The following GLCCI1 variants were observed in gnomAD, a reference collection of about 807,000 sequenced individuals.
GLCCI1 encodes glucocorticoid induced 1, also known as glucocorticoid-induced transcript 1 protein.
A neutral mutation model predicts 52.2 loss-of-function variants in GLCCI1; 24 were observed. The ratio of observed to expected loss-of-function variants is 0.46; its 90% confidence interval spans 0.33 to 0.65. The LOEUF (loss-of-function observed/expected upper bound fraction) is 0.65. Among genes scored for constraint, GLCCI1 ranks in the 30% least tolerant of loss-of-function variants. The pLI is 0.02. For synonymous variants in GLCCI1, 310 were observed against 276.5 expected (o/e 1.12, Z -1.20); for missense variants, 704 against 701.5 (o/e 1.00, Z -0.04).
At chr7:8,046,587 TAACTC>T (rs1410065272) in intron 3 of GLCCI1, among the ~76,000 whole-genome samples, 3 of 152,220 alleles carry the variant, frequency 2.0e-5, no homozygotes, top group Non-Finnish European at 4.4e-5. Flanking sequence ...CTATTGATAA[TAACTC>T]AGCCATTTGC....
At chr7:8,035,257 G>A (rs148439776) in intron 3 of GLCCI1, among the ~76,000 whole-genome samples, 3 of 152,316 alleles carry the variant, frequency 2.0e-5, no homozygotes, top group Non-Finnish European at 4.4e-5. Flanking sequence ...GGCTGAGAGT[G>A]ACTGCTACTT....
intron 3 of GLCCI1, among the ~76,000 whole-genome samples, chr7:8,023,162 C>G (rs1181000568): frequency 6.6e-6 from 1 of 151,794 alleles, no homozygotes; most frequent in Non-Finnish European, 1.5e-5. Context: ...AGTACAGGCA[C>G]CCACCACCAC....
rs555187287 is a variant in GLCCI1, at chr7:7,972,956, T to C, written c.457+3149T>C. ...TGCTCATGCATCATCCTCTTTTTGC[T>C]TGTTTTTTTTCTTTTGTATTTTTAA... On this transcript the variant is annotated intron_variant, in intron 1 of 7. Transcript: ENST00000223145. Among the ~76,000 whole-genome samples the C allele has an allele frequency of 5.1e-4, 77 of 152,312 alleles. 1 individual carries two copies. The highest frequency in any genetic ancestry group is 1.5e-3 in the African/African-American group (61 of 41,576).
chr7:8,032,056 T>C (rs1562435204), intron 3 of GLCCI1, among the ~76,000 whole-genome samples: 1 of 152,070 alleles, frequency 6.6e-6, no homozygotes, highest in Non-Finnish European at 1.5e-5. Context: ...TAGAAGACTT[T>C]AACAATATTA....
chr7:8,030,244 A>G (rs1192046431), intron 3 of GLCCI1, among the ~76,000 whole-genome samples: 1 of 152,150 alleles, frequency 6.6e-6, no homozygotes, highest in African/African-American at 2.4e-5. Flanking sequence ...AAATTCACAC[A>G]CCTAAAATGA....
At chr7:8,005,349 G>A (rs543345600) in intron 2 of GLCCI1, among the ~76,000 whole-genome samples, 2 of 152,080 alleles carry the variant, frequency 1.3e-5, no homozygotes, top group Non-Finnish European at 2.9e-5. Flanking sequence ...TTTTGGAAGG[G>A]TGCACACACA....
At position 8,038,986 on chromosome 7, in the gene GLCCI1, A is replaced by G. The variant is rs536799979; in HGVS notation, c.696+16417A>G. On this transcript the variant is annotated intron_variant, in intron 3 of 7. Transcript: ENST00000223145. ...AAACATTTTTCAAAAGAAAACATGC[A>G]TATAGCCAACAAGGAGATGAAAAAT... Among the ~76,000 whole-genome samples, 4 of 152,346 alleles carry G rather than the reference A, an allele frequency of 2.6e-5. No individual in the cohort carries two copies. The South Asian group carries it at 8.3e-4, about 32-fold the overall frequency.
intron 1 of GLCCI1, among the ~76,000 whole-genome samples, chr7:7,976,816 G>C (rs1780482560): frequency 6.6e-6 from 1 of 151,786 alleles, no homozygotes. Context: ...GGATCCTCCT[G>C]AGTGATCCTC....
intron 2 of GLCCI1, among the ~76,000 whole-genome samples, chr7:8,016,101 A>G (rs934184511): frequency 3.9e-5 from 6 of 152,346 alleles, no homozygotes; most frequent in East Asian, 1.9e-4. Context: ...TCAATTTTCT[A>G]TGAAAAATTC....
intron 6 of GLCCI1, among the ~76,000 whole-genome samples, chr7:8,078,337 A>G (rs143822005): frequency 6.4e-4 from 98 of 152,244 alleles, no homozygotes; most frequent in African/African-American, 2.2e-3. Context: ...TTTAAGAACT[A>G]TAACTCACGT....
At chr7:8,012,691 C>T (rs1005103424) in intron 2 of GLCCI1, among the ~76,000 whole-genome samples, 10 of 151,738 alleles carry the variant, frequency 6.6e-5, no homozygotes, top group Admixed American at 4.6e-4. Flanking sequence ...GTGATCCACC[C>T]GCCTCAGCCT....
intron 1 of GLCCI1, among the ~76,000 whole-genome samples, chr7:8,002,125 A>G (rs1402961028): frequency 6.6e-6 from 1 of 152,162 alleles, no homozygotes; most frequent in Non-Finnish European, 1.5e-5. Context: ...AGGAATCTAT[A>G]TGTGCTAAAT....
Position 8,060,141 on chromosome 7 carries a change from G to C in GLCCI1, c.859G>C (p.Val287Leu). 6.2e-7 allele frequency: 1 copy of C among 1,613,708 alleles called. No individual in the cohort carries two copies. Among genetic ancestry groups the C allele is most frequent in the African/African-American group, 1.3e-5 (1 of 75,016 alleles). The change falls in exon 5 of 8, where the codon GTG (valine) becomes CTG (leucine). Residue 287 changes from valine to leucine, a missense_variant. By Grantham distance (32) the Val-to-Leu change is conservative. This residue lies in a region of GLCCI1 where 547 missense variants were observed against 524.8 expected (regional missense o/e 1.04). Transcript: ENST00000223145. Reference protein sequence around the residue: ...SVPMPLSNISVPKSSVSRVPC... With the variant: ...SVPMPLSNISLPKSSVSRVPC... ...TCCTATGCCACTGTCAAATATATCA[G>C]TGCCAAAATCATCTGTTTCGCGTGT...
rs111857037 is a variant in GLCCI1, at chr7:8,071,433, G to C, written c.1177+302G>C. Among the ~76,000 whole-genome samples the C allele has an allele frequency of 4.8e-4, 73 of 152,172 alleles. 1 individual carries two copies. The highest frequency in any genetic ancestry group is 1.4e-3 in the African/African-American group (57 of 41,524). ...TCTTTTCCTTGGTATTGTCCAGAGC[G>C]GATGATGGTTATGGTAAAGTTAGCT... On this transcript the variant is annotated intron_variant, in intron 6 of 7. Coordinates refer to ENST00000223145, the MANE Select transcript of GLCCI1 (RefSeq NM_138426.4).
chr7:8,070,910 T>C lies in GLCCI1; in HGVS notation c.967-11T>C. ...CCAGCATTTGGATGTTTAATGGTAT[T>C]CCTCTTACAGCCGTTGGACATACCA... is the stretch of plus-strand genomic sequence containing the variant. On this transcript the variant is annotated splice_polypyrimidine_tract_variant and intron_variant, in intron 5 of 7. Coordinates refer to ENST00000223145, the MANE Select transcript of GLCCI1 (RefSeq NM_138426.4). The C allele has an allele frequency of 6.2e-7, 1 of 1,610,300 alleles. No individual in the cohort carries two copies. The highest frequency in any genetic ancestry group is 8.5e-7 in the Non-Finnish European group (1 of 1,176,634).
intron 1 of GLCCI1, chr7:7,980,977 G>A (rs1312630500): frequency 1.8e-6 from 1 of 563,568 alleles, no homozygotes; most frequent in African/African-American, 1.9e-5. Flanking sequence ...TGACACAAAT[G>A]AAGAAATTGA....
chr7:8,080,921 G>A (rs769296255), intron 6 of GLCCI1, among the ~76,000 whole-genome samples: 4 of 145,886 alleles, frequency 2.7e-5, no homozygotes, highest in East Asian at 2.1e-4. Flanking sequence ...TGATCCTCCC[G>A]CCTCAGCCTC....
chr7:8,050,899 G>T (rs1182848662), intron 3 of GLCCI1, among the ~76,000 whole-genome samples: 2 of 152,228 alleles, frequency 1.3e-5, no homozygotes, highest in Non-Finnish European at 2.9e-5. Flanking sequence ...CCTATCTCAT[G>T]TGCTTTTGTT....
intron 3 of GLCCI1, among the ~76,000 whole-genome samples, chr7:8,047,158 A>AT (rs1416596434): frequency 1.3e-5 from 2 of 152,206 alleles, no homozygotes; most frequent in Non-Finnish European, 2.9e-5. Context: ...ATCACAGTTA[A>AT]TGCTCGTATA....
Sources: gnomAD v4.1 joint callset for allele counts (sites outside exome capture counted in the v4.1 genomes callset) on GRCh38, gnomAD v4.1.1 for gene constraint, gnomAD v4.1.1 regional missense constraint, MANE v1.5 for transcripts, NCBI Gene and HGNC (gene_info 2026-07-23, HGNC 2026-07-21) for gene names.